TOP2B: variants seen among roughly 807,000 people sequenced by gnomAD.
The protein encoded by TOP2B is DNA topoisomerase 2-beta.
TOP2B carries 51 observed loss-of-function variants against 193.5 expected under a neutral mutation model. That is an observed-to-expected ratio of 0.26 (90% confidence interval 0.21 to 0.33). The LOEUF (loss-of-function observed/expected upper bound fraction) is 0.33. Among genes scored for constraint, TOP2B ranks in the 10% least tolerant of loss-of-function variants. The pLI is 1.00. For synonymous variants in TOP2B, 634 were observed against 635.7 expected (o/e 1.00, Z 0.04); for missense variants, 1,378 against 1,909.3 (o/e 0.72, Z 5.19).
chr3:25,654,381 G>C (rs78266621), intron 1 of TOP2B, among the ~76,000 whole-genome samples: 1,550 of 152,112 alleles, frequency 0.01, 31 homozygotes, highest in African/African-American at 0.036. Context: ...CTTAACCAAA[G>C]AGGTGAGAAT....
At chr3:25,615,733 T>C (rs2125358936) in intron 25 of TOP2B, 147 bp from the exon 26 acceptor site, 1 of 656,702 alleles carries the variant, frequency 1.5e-6, no homozygotes, top group Non-Finnish European at 2.2e-6. Context: ...GGATTACCTA[T>C]AAAAATATAT....
chr3:25,630,534 A>C, intron 11 of TOP2B, 65 bp from the exon 12 acceptor site: 1 of 1,324,008 alleles, frequency 7.6e-7, no homozygotes, highest in Non-Finnish European at 1.0e-6. Flanking sequence ...AGAAAAATGA[A>C]GTCAGAAAAT....
At chr3:25,602,948 G>A (rs941224900) in intron 33 of TOP2B, among the ~76,000 whole-genome samples, 6 of 152,134 alleles carry the variant, frequency 3.9e-5, no homozygotes, top group African/African-American at 1.4e-4. Context: ...ATTTCGTAAG[G>A]GAGGCTAAAG....
chr3:25,611,564 A>G (rs1427665427), intron 28 of TOP2B, among the ~76,000 whole-genome samples: 1 of 152,172 alleles, frequency 6.6e-6, no homozygotes, highest in Non-Finnish European at 1.5e-5. Flanking sequence ...CAACCTGTCC[A>G]AAAACATTAG....
chr3:25,620,371 G>A (rs1415206621), intron 22 of TOP2B, among the ~76,000 whole-genome samples: 2 of 152,102 alleles, frequency 1.3e-5, no homozygotes, highest in East Asian at 3.9e-4. Flanking sequence ...TTGTAAAGCT[G>A]ATGCTGACAT....
intron 32 of TOP2B, among the ~76,000 whole-genome samples, chr3:25,605,122 A>G (rs1375078663): frequency 6.6e-6 from 1 of 152,178 alleles, no homozygotes; most frequent in African/African-American, 2.4e-5. Flanking sequence ...CAAATGCTAA[A>G]TATTTAAAAC....
chr3:25,637,449 G>A, intron 5 of TOP2B, 137 bp from the exon 6 acceptor site: 1 of 609,744 alleles, frequency 1.6e-6, no homozygotes, highest in South Asian at 2.1e-5. Context: ...AGATTCCAGA[G>A]TATATTTAGA....
intron 10 of TOP2B, 61 bp downstream of exon 10, chr3:25,632,385 C>G (rs1702985999): frequency 1.4e-6 from 2 of 1,397,060 alleles, no homozygotes; most frequent in Admixed American, 2.6e-5. Context: ...TAAAGTAAAT[C>G]AAGAAAACTA....
chr3:25,630,826 G>A lies in TOP2B; in HGVS notation c.1380C>T (p.Pro460=), dbSNP rs377088471. ...CAGCATCATTAGCATCATCCAGTTT[G>A]GGAATACCTTTGATTTTACTGTATT... is the stretch of plus-strand genomic sequence containing the variant. The part of the protein sequence containing the change: ...SVKYSKIKGI[P]KLDDANDAGG... Residue 460 remains proline (P), a synonymous_variant, in exon 11 of 36, where the codon CCC becomes CCT. Coordinates refer to ENST00000264331, the MANE Select transcript of TOP2B (RefSeq NM_001330700.2). 3.6e-5 allele frequency: 57 copies of A among 1,585,754 alleles called. No homozygotes were observed. Among genetic ancestry groups the A allele is most frequent in the Non-Finnish European group, 4.5e-5 (53 of 1,169,456 alleles).
At chr3:25,600,737 C>T (rs1438240758) in intron 34 of TOP2B, among the ~76,000 whole-genome samples, 3 of 152,202 alleles carry the variant, frequency 2.0e-5, no homozygotes, top group Non-Finnish European at 4.4e-5. Context: ...AAGTTCTAGC[C>T]TAAGAGTCCT....
chr3:25,632,625 A>G (rs749258260), intron 9 of TOP2B, 42 bp from the exon 10 acceptor site: 1 of 1,603,794 alleles, frequency 6.2e-7, no homozygotes, highest in East Asian at 2.2e-5. Context: ...CAGAGCTGAT[A>G]TTTAGTAATT....
At chr3:25,614,233 A>C (rs1223470293) in intron 27 of TOP2B, among the ~76,000 whole-genome samples, 1 of 152,172 alleles carries the variant, frequency 6.6e-6, no homozygotes, top group Non-Finnish European at 1.5e-5. Context: ...GGAAATGTAC[A>C]GGCATAACCA....
At chr3:25,634,334 A>G (rs1216718293) in intron 7 of TOP2B, among the ~76,000 whole-genome samples, 2 of 152,148 alleles carry the variant, frequency 1.3e-5, no homozygotes, top group Non-Finnish European at 2.9e-5. Context: ...TAGCAGGAAA[A>G]AAAGCTTCCA....
At chr3:25,657,067 T>C (rs115027579) in intron 1 of TOP2B, among the ~76,000 whole-genome samples, 14 of 152,358 alleles carry the variant, frequency 9.2e-5, no homozygotes, top group African/African-American at 3.1e-4. Context: ...AGAATCCAAT[T>C]TGTCTTTTAC....
rs1025122097 is a variant in TOP2B, at chr3:25,622,193, T to TA, written c.2727+1321dup. Among the ~76,000 whole-genome samples the TA allele has an allele frequency of 9.3e-4, 141 of 152,280 alleles. 1 individual carries two copies. The highest frequency in any genetic ancestry group is 3.3e-3 in the African/African-American group (138 of 41,550). ...ACTTAGCACAGTTTCATACACATAG[T>TA]AGGCACATAAGAACCATGTATTGAT... On this transcript the variant is annotated intron_variant, in intron 21 of 35. Transcript: ENST00000264331.
chr3:25,623,198 C>G (rs1182387857), intron 21 of TOP2B, among the ~76,000 whole-genome samples: 1 of 152,156 alleles, frequency 6.6e-6, no homozygotes, highest in Non-Finnish European at 1.5e-5. Context: ...AGTTTGAGAA[C>G]AGAAACAAGG....
At chr3:25,606,658 A>G (rs995506307) in intron 31 of TOP2B, among the ~76,000 whole-genome samples, 14 of 152,150 alleles carry the variant, frequency 9.2e-5, no homozygotes, top group African/African-American at 2.9e-4. Context: ...AACATCTAAA[A>G]TAGTTCACAA....
intron 34 of TOP2B, among the ~76,000 whole-genome samples, chr3:25,599,908 C>T (rs866656646): frequency 2.0e-5 from 3 of 152,016 alleles, no homozygotes; most frequent in Non-Finnish European, 4.4e-5. Flanking sequence ...TGTCATGGGC[C>T]AATACTTTTA....
At chr3:25,635,117 G>C (rs1209646182) in intron 7 of TOP2B, among the ~76,000 whole-genome samples, 2 of 152,142 alleles carry the variant, frequency 1.3e-5, no homozygotes, top group East Asian at 3.9e-4. Context: ...AGCTCAAAAA[G>C]AAGGGCCTAA....
Sources: allele counts gnomAD v4.1 joint callset (sites outside exome capture counted in the v4.1 genomes callset), GRCh38; gene constraint gnomAD v4.1.1; transcripts MANE v1.5; gene names NCBI Gene and HGNC (gene_info 2026-07-23, HGNC 2026-07-21).